EEFSEC: variants seen among roughly 807,000 people sequenced by gnomAD.
EEFSEC encodes eukaryotic elongation factor, selenocysteine-tRNA specific.
A neutral mutation model predicts 42.1 loss-of-function variants in EEFSEC; 43 were observed. The observed-to-expected ratio is 1.02, with a 90% confidence interval of 0.80 to 1.32. The LOEUF is 1.32. EEFSEC is among the 40% of genes most tolerant of loss of function. The pLI, the probability that EEFSEC is intolerant of heterozygous loss-of-function variation, is 0.00. For missense variants in EEFSEC, 745 were observed against 803.6 expected (o/e 0.93, Z 0.88); for synonymous variants, 354 against 339.1 (o/e 1.04, Z -0.48).
At chr3:128,238,336 A>G (rs945835598) in intron 1 of EEFSEC, among the ~76,000 whole-genome samples, 5 of 152,170 alleles carry the variant, frequency 3.3e-5, no homozygotes, top group African/African-American at 1.2e-4. Flanking sequence ...GGAGATTTTT[A>G]TGTGACATTT....
intron 4 of EEFSEC, among the ~76,000 whole-genome samples, chr3:128,323,512 C>T (rs1349613175): frequency 2.0e-5 from 3 of 152,198 alleles, no homozygotes. Flanking sequence ...GCCCTCCCAG[C>T]CCTAGTCTTT....
chr3:128,213,581 G>T (rs555820008), intron 1 of EEFSEC, among the ~76,000 whole-genome samples: 1 of 152,154 alleles, frequency 6.6e-6, no homozygotes, highest in African/African-American at 2.4e-5. Flanking sequence ...CCTTGGGGAT[G>T]CTGAGCTCCT....
At chr3:128,354,075 A>G (rs776229097) in intron 5 of EEFSEC, among the ~76,000 whole-genome samples, 1 of 152,070 alleles carries the variant, frequency 6.6e-6, no homozygotes, top group Non-Finnish European at 1.5e-5. Context: ...ACAAATGCAA[A>G]GATCCACCCA....
At chr3:128,270,233 T>C (rs2066399784) in intron 4 of EEFSEC, among the ~76,000 whole-genome samples, 1 of 152,212 alleles carries the variant, frequency 6.6e-6, no homozygotes, top group Non-Finnish European at 1.5e-5. Context: ...ATTATTCTCA[T>C]GTAGAATTTT....
intron 1 of EEFSEC, among the ~76,000 whole-genome samples, chr3:128,230,014 ATCTC>A (rs560463699): frequency 7.3e-6 from 1 of 136,098 alleles, no homozygotes; most frequent in Non-Finnish European, 1.6e-5. Context: ...TTCTTTCTTT[ATCTC>A]TCTTTTTCTT....
intron 1 of EEFSEC, among the ~76,000 whole-genome samples, chr3:128,185,688 A>G (rs557077031): frequency 1.2e-3 from 177 of 152,258 alleles, no homozygotes; most frequent in African/African-American, 4.0e-3. Flanking sequence ...CAGCATCCCA[A>G]AGTGCTACGA....
In EEFSEC at chr3:128,264,666, T is replaced by G. The variant is rs769134730; in HGVS notation, c.671T>G (p.Phe224Cys). 1 of 1,614,022 alleles carries G rather than the reference T, an allele frequency of 6.2e-7. No homozygotes were observed. The highest frequency in any genetic ancestry group is 8.5e-7 in the Non-Finnish European group (1 of 1,179,964). The change falls in exon 4 of 7, where the codon TTC (phenylalanine) becomes TGC (cysteine). Residue 224 changes from phenylalanine to cysteine, a missense_variant. Physicochemically the swap from Phe to Cys is radical, Grantham distance 205 (BLOSUM62 -2). Coordinates refer to ENST00000254730, the MANE Select transcript of EEFSEC (RefSeq NM_021937.5). ...SIPTRDPSGP[F>C]LMSVDHCFSI... ...CCAACGAGAGATCCCTCGGGACCGT[T>G]CCTCATGTCTGTGGACCACTGTTTC...
chr3:128,154,261 A>G (rs1293292767), intron 1 of EEFSEC, among the ~76,000 whole-genome samples: 1 of 152,070 alleles, frequency 6.6e-6, no homozygotes, highest in Non-Finnish European at 1.5e-5. Flanking sequence ...ATCATTTCAG[A>G]AAGGCTCCAC....
chr3:128,404,216 G>GC (rs2068082963), intron 6 of EEFSEC, among the ~76,000 whole-genome samples: 1 of 152,212 alleles, frequency 6.6e-6, no homozygotes, highest in East Asian at 1.9e-4. Context: ...AATCCATGCT[G>GC]CCCCATGTCC....
At chr3:128,188,390 C>T (rs2065486130) in intron 1 of EEFSEC, among the ~76,000 whole-genome samples, 1 of 152,128 alleles carries the variant, frequency 6.6e-6, no homozygotes, top group African/African-American at 2.4e-5. Context: ...GCAGCAGCCC[C>T]AGGGCTTCTT....
chr3:128,357,401 C>T (rs372766389), intron 5 of EEFSEC, among the ~76,000 whole-genome samples: 46 of 152,350 alleles, frequency 3.0e-4, no homozygotes, highest in East Asian at 1.9e-3. Context: ...GAGACAGCAG[C>T]GGCCAACATG....
In EEFSEC at chr3:128,341,387, C is replaced by A; in HGVS notation, c.941C>A (p.Ala314Glu). 1 of 1,614,174 alleles carries A rather than the reference C, an allele frequency of 6.2e-7. No individual in the cohort carries two copies. Among genetic ancestry groups the A allele is most frequent in the Non-Finnish European group, 8.5e-7 (1 of 1,180,040 alleles). Reference sequence around the variant, plus strand: ...CCCGAGTCCCTGCACACTGTCCATGCGGCCCTCATCTCTGTGGAAAAGATA... The same window carrying A: ...CCCGAGTCCCTGCACACTGTCCATGAGGCCCTCATCTCTGTGGAAAAGATA... Reference protein sequence around the residue: ...CAPESLHTVHAALISVEKIPY... With the variant: ...CAPESLHTVHEALISVEKIPY... Residue 314 changes from alanine (A) to glutamate (E), a missense_variant, in exon 5 of 7, where the codon GCG (alanine) becomes GAG (glutamate). Physicochemically the swap from Ala to Glu is moderately radical, Grantham distance 107. Coordinates refer to ENST00000254730, the MANE Select transcript of EEFSEC (RefSeq NM_021937.5).
intron 1 of EEFSEC, among the ~76,000 whole-genome samples, chr3:128,161,307 A>G (rs374949118): frequency 3.3e-5 from 5 of 152,230 alleles, no homozygotes; most frequent in East Asian, 3.9e-4. Flanking sequence ...CTCATCCTCA[A>G]TCTAACTCTG....
At chr3:128,154,453 T>C (rs1238790124) in intron 1 of EEFSEC, among the ~76,000 whole-genome samples, 1 of 152,014 alleles carries the variant, frequency 6.6e-6, no homozygotes, top group East Asian at 1.9e-4. Flanking sequence ...TTTTTCTTTT[T>C]TTTTTTTTCT....
chr3:128,342,824 C>T (rs950975079), intron 5 of EEFSEC, among the ~76,000 whole-genome samples: 2 of 152,250 alleles, frequency 1.3e-5, no homozygotes, highest in African/African-American at 2.4e-5. Context: ...GGAATCACCT[C>T]CTCCCATGGG....
chr3:128,165,607 T>C (rs1032121276), intron 1 of EEFSEC, among the ~76,000 whole-genome samples: 3 of 152,254 alleles, frequency 2.0e-5, no homozygotes, highest in African/African-American at 7.2e-5. Flanking sequence ...TGTGTTGTGA[T>C]GATTCCTCTC....
At chr3:128,279,153 G>C (rs575858043) in intron 4 of EEFSEC, among the ~76,000 whole-genome samples, 1 of 152,208 alleles carries the variant, frequency 6.6e-6, no homozygotes, top group Non-Finnish European at 1.5e-5. Flanking sequence ...CGGCGGCGGC[G>C]TTGGGCAGTG....
intron 2 of EEFSEC, among the ~76,000 whole-genome samples, chr3:128,254,531 A>C (rs1411991881): frequency 1.3e-5 from 2 of 152,120 alleles, no homozygotes; most frequent in African/African-American, 4.8e-5. Context: ...CCAGCTGTGG[A>C]ATGGAAATTA....
At chr3:128,315,220 G>A (rs552904914) in intron 4 of EEFSEC, among the ~76,000 whole-genome samples, 1 of 152,314 alleles carries the variant, frequency 6.6e-6, no homozygotes, top group African/African-American at 2.4e-5. Context: ...CTGCCTCATT[G>A]GTAGTGGAGA....
Sources: allele counts gnomAD v4.1 joint callset (sites outside exome capture counted in the v4.1 genomes callset), GRCh38; gene constraint gnomAD v4.1.1; transcripts MANE v1.5; gene names NCBI Gene and HGNC (gene_info 2026-07-23, HGNC 2026-07-21).